Variants in SPOCK3 observed in about 807,000 individuals in gnomAD.
The protein encoded by SPOCK3 is SPARC (osteonectin), cwcv and kazal like domains proteoglycan 3.
SPOCK3 carries 30 observed loss-of-function variants against 56.6 expected under a neutral mutation model. The ratio of observed to expected loss-of-function variants is 0.53; its 90% confidence interval spans 0.40 to 0.72. SPOCK3 has a LOEUF of 0.72. Among genes scored for constraint, SPOCK3 ranks in the 30% least tolerant of loss-of-function variants. The pLI is 0.00. For synonymous variants in SPOCK3, 196 were observed against 183.3 expected (o/e 1.07, Z -0.56); for missense variants, 527 against 530.0 (o/e 0.99, Z 0.06).
At chr4:166,945,042 G>T (rs904330428) in intron 4 of SPOCK3, among the ~76,000 whole-genome samples, 1 of 152,056 alleles carries the variant, frequency 6.6e-6, no homozygotes, top group Admixed American at 6.6e-5. Context: ...GTGTTCTTTT[G>T]ATATACCACT....
intron 9 of SPOCK3, among the ~76,000 whole-genome samples, chr4:166,739,000 G>T (rs1734546144): frequency 6.6e-6 from 1 of 151,904 alleles, no homozygotes; most frequent in African/African-American, 2.4e-5. Context: ...TGGGATGGCT[G>T]GGTCAAATGG....
chr4:167,188,661 C>T (rs1330707644), intron 2 of SPOCK3, among the ~76,000 whole-genome samples: 1 of 145,534 alleles, frequency 6.9e-6, no homozygotes, highest in Non-Finnish European at 1.5e-5. Flanking sequence ...AAAACAAAAA[C>T]CAGTCAAAGC....
chr4:166,873,739 C>T (rs2126955059), intron 6 of SPOCK3, among the ~76,000 whole-genome samples: 1 of 152,200 alleles, frequency 6.6e-6, no homozygotes, highest in South Asian at 2.1e-4. Context: ...ATAAACTCAA[C>T]TCATTTAATT....
chr4:166,908,805 A>G (rs1039792483), intron 5 of SPOCK3, among the ~76,000 whole-genome samples: 6 of 152,046 alleles, frequency 3.9e-5, no homozygotes, highest in Non-Finnish European at 7.4e-5. Context: ...TCTAACATAA[A>G]TGGTATATTG....
chr4:167,230,511 A>G (rs577472722), intron 2 of SPOCK3, among the ~76,000 whole-genome samples: 13 of 151,466 alleles, frequency 8.6e-5, no homozygotes, highest in Non-Finnish European at 1.8e-4. Context: ...AAAAAAAAAA[A>G]AAAAAAAAAC....
At chr4:166,994,220 C>G (rs1032847245) in intron 4 of SPOCK3, among the ~76,000 whole-genome samples, 1 of 152,142 alleles carries the variant, frequency 6.6e-6, no homozygotes. Context: ...ATAGCTAACC[C>G]TATCATAATG....
intron 6 of SPOCK3, among the ~76,000 whole-genome samples, chr4:166,793,850 T>C (rs1322622237): frequency 1.3e-5 from 2 of 152,174 alleles, no homozygotes; most frequent in Non-Finnish European, 2.9e-5. Context: ...AAGAAATTTT[T>C]ACATATACAG....
rs1762174716 is a variant in SPOCK3, at chr4:167,125,229, T to TTTTA, written c.190-62696_190-62693dup. Among the ~76,000 whole-genome samples the TTTTA allele has an allele frequency of 2.1e-5, 3 of 144,848 alleles. No homozygotes were observed. In the South Asian group the frequency reaches 6.4e-4, roughly 31 times the overall value. On this transcript the variant is annotated intron_variant, in intron 2 of 10. Transcript: ENST00000357545. ...TTTATTTATTTATTTATTTATTTAT[T>TTTTA]TTTATTTATTTTTATTTTTTGGCTG...
chr4:166,914,888 T>A (rs979746141), intron 4 of SPOCK3, among the ~76,000 whole-genome samples: 2 of 152,232 alleles, frequency 1.3e-5, no homozygotes, highest in Non-Finnish European at 2.9e-5. Context: ...TAGTTGTTCT[T>A]ATTCCTTCCA....
intron 7 of SPOCK3, among the ~76,000 whole-genome samples, chr4:166,767,928 C>G (rs1014466546): frequency 3.9e-5 from 6 of 151,990 alleles, no homozygotes; most frequent in Non-Finnish European, 7.4e-5. Context: ...GAATTGATGC[C>G]TTTACCATTA....
chr4:166,879,584 AT>A (rs1397967197), intron 6 of SPOCK3, among the ~76,000 whole-genome samples: 1 of 152,218 alleles, frequency 6.6e-6, no homozygotes, highest in Non-Finnish European at 1.5e-5. Context: ...TACCTTGCAT[AT>A]AGTAGATGCC....
At position 166,763,247 on chromosome 4, in the gene SPOCK3, A is replaced by C. The variant is rs140782692; in HGVS notation, c.710-8518T>G. On this transcript the variant is annotated intron_variant, in intron 7 of 10. Coordinates refer to ENST00000357545, the MANE Select transcript of SPOCK3 (RefSeq NM_001040159.2). ...TCTCCTCAGAGGCTATGAAGCCCAG[A>C]AGACAATGGAAAATTTCTAAAGTAC... is the stretch of plus-strand genomic sequence containing the variant. Among the ~76,000 whole-genome samples, 30 of 152,194 alleles carry C rather than the reference A, an allele frequency of 2.0e-4. No homozygotes were observed. In the East Asian group the frequency reaches 5.8e-3, roughly 29 times the overall value.
chr4:167,012,754 T>C (rs1488770020), intron 3 of SPOCK3, among the ~76,000 whole-genome samples: 1 of 152,042 alleles, frequency 6.6e-6, no homozygotes, highest in African/African-American at 2.4e-5. Flanking sequence ...AACTTTAACA[T>C]GATTTTAAAA....
intron 5 of SPOCK3, among the ~76,000 whole-genome samples, chr4:166,911,624 G>T (rs552262564): frequency 1.3e-5 from 2 of 151,968 alleles, no homozygotes; most frequent in Non-Finnish European, 2.9e-5. Context: ...TGCAACCTCC[G>T]TCTCCCTGGT....
intron 3 of SPOCK3, among the ~76,000 whole-genome samples, chr4:167,050,650 T>G (rs1190054176): frequency 1.3e-5 from 2 of 152,136 alleles, no homozygotes; most frequent in Non-Finnish European, 2.9e-5. Flanking sequence ...AACATAAGTG[T>G]CTATGGATAG....
intron 5 of SPOCK3, among the ~76,000 whole-genome samples, chr4:166,894,453 C>T (rs1160773894): frequency 6.6e-6 from 1 of 152,030 alleles, no homozygotes; most frequent in African/African-American, 2.4e-5. Context: ...TATTAAAGTT[C>T]TTAATTCAAG....
chr4:166,837,125 T>C (rs946844590), intron 6 of SPOCK3, among the ~76,000 whole-genome samples: 4 of 152,194 alleles, frequency 2.6e-5, no homozygotes, highest in African/African-American at 7.2e-5. Flanking sequence ...ATTACATCTA[T>C]AAAAAGTTGG....
At chr4:167,066,307 G>A (rs771193969) in intron 2 of SPOCK3, among the ~76,000 whole-genome samples, 18 of 151,826 alleles carry the variant, frequency 1.2e-4, no homozygotes, top group Non-Finnish European at 2.2e-4. Flanking sequence ...TGCATTGCTC[G>A]CTATTTAGTA....
At chr4:166,846,336 T>A (rs1350326306) in intron 6 of SPOCK3, among the ~76,000 whole-genome samples, 1 of 152,144 alleles carries the variant, frequency 6.6e-6, no homozygotes, top group Non-Finnish European at 1.5e-5. Context: ...TCATATTTGT[T>A]CATTATGTAA....
Sources: gnomAD v4.1 joint callset for allele counts (sites outside exome capture counted in the v4.1 genomes callset) on GRCh38, gnomAD v4.1.1 for gene constraint, MANE v1.5 for transcripts, NCBI Gene and HGNC (gene_info 2026-07-23, HGNC 2026-07-21) for gene names.